RBFOX1: variants seen among roughly 807,000 people sequenced by gnomAD.
The protein encoded by RBFOX1 is RNA binding protein fox-1 homolog 1.
A neutral mutation model predicts 57.7 loss-of-function variants in RBFOX1; 8 were observed. The observed-to-expected ratio is 0.14, with a 90% CI of 0.08 to 0.25. The LOEUF (loss-of-function observed/expected upper bound fraction) is 0.25, where lower values mean the gene tolerates loss of function less well. Among genes scored for constraint, RBFOX1 ranks in the 10% least tolerant of loss-of-function variants. The probability of loss-of-function intolerance (pLI) is 1.00; values close to 1 mark genes in which losing one functional copy is unlikely to be tolerated. For synonymous variants in RBFOX1, 326 were observed against 222.4 expected, an observed-to-expected ratio of 1.47 and a Z score of -4.15; for missense variants, 611 against 548.5, an observed-to-expected ratio of 1.11 and a Z score of -1.14.
intron 4 of RBFOX1, among the ~76,000 whole-genome samples, chr16:7,447,822 T>C (rs1471699693): frequency 6.6e-6 from 1 of 152,256 alleles, no homozygotes; most frequent in African/African-American, 2.4e-5. Context: ...GAGTGGAATG[T>C]AGTTGAATTA....
At chr16:6,864,122 T>C (rs990986761) in intron 3 of RBFOX1, among the ~76,000 whole-genome samples, 4 of 150,162 alleles carry the variant, frequency 2.7e-5, no homozygotes, top group Admixed American at 6.7e-5. Context: ...AGCGAAGGAG[T>C]CTCTTTAGCA....
intron 3 of RBFOX1, among the ~76,000 whole-genome samples, chr16:5,789,636 G>A (rs933441537): frequency 6.6e-6 from 1 of 152,094 alleles, no homozygotes; most frequent in Admixed American, 6.5e-5. Flanking sequence ...TTCCCCAGTC[G>A]TATCTTGTTC....
intron 2 of RBFOX1, among the ~76,000 whole-genome samples, chr16:5,576,106 C>G (rs951787977): frequency 6.6e-6 from 1 of 152,092 alleles, no homozygotes; most frequent in African/African-American, 2.4e-5. Context: ...GCCTCTGCCT[C>G]CAGAGAAGCT....
intron 3 of RBFOX1, among the ~76,000 whole-genome samples, chr16:6,798,344 G>T (rs748560207): frequency 3.9e-5 from 6 of 152,098 alleles, no homozygotes; most frequent in Non-Finnish European, 8.8e-5. Context: ...TAAATTTTGA[G>T]AATTGATGGA....
chr16:6,518,565 C>A (rs1356648106), intron 2 of RBFOX1, among the ~76,000 whole-genome samples: 1 of 152,166 alleles, frequency 6.6e-6, no homozygotes, highest in African/African-American at 2.4e-5. Context: ...ACCTCCTGTG[C>A]TGGGAAAACA....
At chr16:7,668,423 C>T (rs561079144) in intron 13 of RBFOX1, among the ~76,000 whole-genome samples, 2 of 152,128 alleles carry the variant, frequency 1.3e-5, no homozygotes, top group South Asian at 4.1e-4. Context: ...TTATGAAATG[C>T]TGTGAGCCAG....
intron 2 of RBFOX1, among the ~76,000 whole-genome samples, chr16:6,559,395 G>C (rs1048121721): frequency 6.6e-6 from 1 of 151,968 alleles, no homozygotes; most frequent in Non-Finnish European, 1.5e-5. Flanking sequence ...TATAGATATA[G>C]ATCCACACAC....
At chr16:6,342,668 C>G (rs1000552757) in intron 2 of RBFOX1, among the ~76,000 whole-genome samples, 3 of 152,170 alleles carry the variant, frequency 2.0e-5, no homozygotes, top group Non-Finnish European at 4.4e-5. Flanking sequence ...CTGTCCATTT[C>G]TTCCAAATAT....
intron 4 of RBFOX1, among the ~76,000 whole-genome samples, chr16:5,921,218 C>G (rs1452048471): frequency 1.3e-5 from 2 of 152,206 alleles, no homozygotes; most frequent in Admixed American, 6.5e-5. Context: ...TGGTCCCATT[C>G]TAGCTCATAA....
intron 2 of RBFOX1, among the ~76,000 whole-genome samples, chr16:6,646,459 T>C (rs1188293677): frequency 6.6e-6 from 1 of 152,128 alleles, no homozygotes; most frequent in Non-Finnish European, 1.5e-5. Context: ...CAGATCGCTC[T>C]TTTCTGTCGC....
At chr16:6,275,719 A>G (rs1241919315) in intron 1 of RBFOX1, among the ~76,000 whole-genome samples, 1 of 152,216 alleles carries the variant, frequency 6.6e-6, no homozygotes, top group African/African-American at 2.4e-5. Flanking sequence ...AGGAATTAAC[A>G]GTTTACTAAG....
At chr16:7,224,358 A>T (rs989205801) in intron 4 of RBFOX1, among the ~76,000 whole-genome samples, 1 of 152,178 alleles carries the variant, frequency 6.6e-6, no homozygotes, top group Admixed American at 6.5e-5. Context: ...AGCCATTTTC[A>T]GTCCCATTGA....
At chr16:6,481,939 C>T (rs981497568) in intron 2 of RBFOX1, among the ~76,000 whole-genome samples, 7 of 152,048 alleles carry the variant, frequency 4.6e-5, no homozygotes, top group African/African-American at 1.7e-4. Flanking sequence ...AATCCCTCCT[C>T]GTTTTGTTCC....
At chr16:5,861,088 G>C (rs2057201746) in intron 3 of RBFOX1, among the ~76,000 whole-genome samples, 1 of 152,202 alleles carries the variant, frequency 6.6e-6, no homozygotes, top group Non-Finnish European at 1.5e-5. Flanking sequence ...TCAAGAGATG[G>C]AGTCACACTG....
chr16:6,508,725 C>T (rs969672082), intron 2 of RBFOX1, among the ~76,000 whole-genome samples: 9 of 152,134 alleles, frequency 5.9e-5, no homozygotes, highest in African/African-American at 1.4e-4. Context: ...AAATTCTCTA[C>T]GCCTAAATTC....
intron 1 of RBFOX1, among the ~76,000 whole-genome samples, chr16:5,258,586 C>A (rs1369874348): frequency 3.3e-5 from 5 of 152,136 alleles, no homozygotes; most frequent in Non-Finnish European, 7.4e-5. Flanking sequence ...TCCATATTAG[C>A]CCTGATGTCT....
At chr16:5,440,586 C>A (rs1037500025) in intron 1 of RBFOX1, among the ~76,000 whole-genome samples, 3 of 152,108 alleles carry the variant, frequency 2.0e-5, no homozygotes, top group African/African-American at 2.4e-5. Context: ...TCTAGGTAAA[C>A]AGTCAATATT....
At chr16:6,522,154 AGTGTGT>A (rs35360830) in intron 2 of RBFOX1, among the ~76,000 whole-genome samples, 3,919 of 142,812 alleles carry the variant, frequency 0.027, 89 homozygotes, top group African/African-American at 0.062. Context: ...GGGGACCCAC[AGTGTGT>A]GTGTGTGTGT....
chr16:6,089,669 G>T (rs757464105), intron 1 of RBFOX1, among the ~76,000 whole-genome samples: 1 of 152,168 alleles, frequency 6.6e-6, no homozygotes, highest in Non-Finnish European at 1.5e-5. Context: ...TACGGGGTCA[G>T]GTGTATGTTC....
Sources: gnomAD v4.1 joint callset for allele counts (sites outside exome capture counted in the v4.1 genomes callset) on GRCh38, gnomAD v4.1.1 for gene constraint, MANE v1.5 for transcripts, NCBI Gene and HGNC (gene_info 2026-07-23, HGNC 2026-07-21) for gene names.